Variants in SLC28A2 observed in about 807,000 individuals in gnomAD.
SLC28A2 encodes the protein solute carrier family 28 member 2, also known as sodium/nucleoside cotransporter 2.
Under a neutral mutation model 72.9 loss-of-function variants are expected in SLC28A2, and 69 were observed. The ratio of observed to expected loss-of-function variants is 0.95; its 90% CI spans 0.78 to 1.16. The LOEUF (loss-of-function observed/expected upper bound fraction) is 1.16. Ranked by LOEUF, SLC28A2 falls within the 50% of genes most tolerant of loss-of-function variation. The pLI, the probability that SLC28A2 is intolerant of heterozygous loss-of-function variation, is 0.00. For synonymous variants in SLC28A2, 296 were observed against 294.1 expected, an observed-to-expected ratio of 1.01 and a Z score of -0.07; for missense variants, 745 against 791.1, an observed-to-expected ratio of 0.94 and a Z score of 0.70.
At position 45,269,327 on chromosome 15, in the gene SLC28A2, C is replaced by G; in HGVS notation, c.1369-11C>G. Reference sequence around the variant, plus strand: ...TCCTTCCTTTTCCTGTGATATCTCTCTTTCACTCAGGTCATCTGCTCCTAT... The same window carrying G: ...TCCTTCCTTTTCCTGTGATATCTCTGTTTCACTCAGGTCATCTGCTCCTAT... On this transcript the variant is annotated splice_polypyrimidine_tract_variant and intron_variant, in intron 13 of 17. Coordinates refer to ENST00000347644, the MANE Select transcript of SLC28A2 (RefSeq NM_004212.4). 1 of 1,611,754 alleles carries G rather than the reference C, an allele frequency of 6.2e-7. No individual in the cohort carries two copies. The highest frequency in any genetic ancestry group is 8.5e-7 in the Non-Finnish European group (1 of 1,177,986).
In SLC28A2 at chr15:45,275,428, T is replaced by C. The variant is rs1381157370; in HGVS notation, c.1892T>C (p.Phe631Ser). 1 of 1,613,764 alleles carries C rather than the reference T, an allele frequency of 6.2e-7. No homozygotes were observed. Among genetic ancestry groups the C allele is most frequent in the Admixed American group, 1.7e-5 (1 of 60,016 alleles). ...TSLNGTNPPS[F>S]SGPWEDKEFS... Reference sequence around the variant, plus strand: ...CTGAATGGCACCAACCCTCCTTCTTTTTCTGGTCCCTGGGAAGATAAGGAG... The same window carrying C: ...CTGAATGGCACCAACCCTCCTTCTTCTTCTGGTCCCTGGGAAGATAAGGAG... The change falls in exon 18 of 18, where the codon TTT (phenylalanine) becomes TCT (serine). Residue 631 changes from phenylalanine to serine, a missense_variant. Physicochemically the swap from Phe to Ser is radical, Grantham distance 155. Coordinates refer to ENST00000347644, the MANE Select transcript of SLC28A2 (RefSeq NM_004212.4).
rs141242204 is a variant in SLC28A2 at position 45,275,502 on chromosome 15, G to A, written c.1966G>A (p.Val656Ile). The change falls in exon 18 of 18, where the codon GTC becomes ATC. Residue 656 changes from valine to isoleucine, a missense_variant. Coordinates refer to ENST00000347644, the MANE Select transcript of SLC28A2 (RefSeq NM_004212.4). ...TNCCGFYNNT[V>I]CA ...CTGCTGTGGATTCTACAACAATACC[G>A]TCTGTGCCTAAGGCTGCTTGATCTA... 2.0e-5 allele frequency: 31 copies of A among 1,586,786 alleles called. No homozygotes were observed. In the African/African-American group the frequency reaches 2.3e-4, roughly 12 times the overall value.
intron 13 of SLC28A2, among the ~76,000 whole-genome samples, chr15:45,268,784 T>C (rs1314642428): frequency 6.6e-6 from 1 of 152,040 alleles, no homozygotes; most frequent in African/African-American, 2.4e-5. Context: ...CCAACAATGA[T>C]AGACTGGATT....
At chr15:45,270,791 T>G (rs1048402045) in intron 15 of SLC28A2, among the ~76,000 whole-genome samples, 1 of 151,366 alleles carries the variant, frequency 6.6e-6, no homozygotes, top group African/African-American at 2.4e-5. Context: ...TGCCCATTAT[T>G]ATTATTATTA....
intron 7 of SLC28A2, 126 bp downstream of exon 7, chr15:45,264,894 A>C: frequency 1.3e-6 from 1 of 745,058 alleles, no homozygotes. Context: ...TTGGGAAAGG[A>C]GAGAGTGTAC....
In SLC28A2 at chr15:45,267,449, TTGTA is replaced by T; in HGVS notation, c.943-5_943-2del. On this transcript the variant is annotated splice_acceptor_variant and splice_polypyrimidine_tract_variant and intron_variant, in intron 10 of 17. Coordinates refer to ENST00000347644, the MANE Select transcript of SLC28A2 (RefSeq NM_004212.4). LOFTEE classifies it high-confidence loss of function. Reference sequence around the variant, plus strand: ...TGGAATCTGACTGTTTTCTCCGTGTTTGTAGACAGAGGCACCTCTGCTCATCCGT... The same window carrying T: ...TGGAATCTGACTGTTTTCTCCGTGTTGACAGAGGCACCTCTGCTCATCCGT... 8.1e-6 allele frequency: 13 copies of T among 1,614,078 alleles called. No homozygotes were observed. Among genetic ancestry groups the T allele is most frequent in the Non-Finnish European group, 1.1e-5 (13 of 1,179,970 alleles).
intron 3 of SLC28A2, among the ~76,000 whole-genome samples, chr15:45,259,942 G>T (rs1232348260): frequency 6.6e-6 from 1 of 152,066 alleles, no homozygotes; most frequent in Admixed American, 6.6e-5. Context: ...TACTCAACTG[G>T]CATTTGACTG....
chr15:45,254,109 G>A (rs1157436955), intron 3 of SLC28A2, among the ~76,000 whole-genome samples: 2 of 152,196 alleles, frequency 1.3e-5, no homozygotes, highest in Non-Finnish European at 2.9e-5. Flanking sequence ...TGTGGATCTG[G>A]TCCCAGAAGT....
intron 3 of SLC28A2, among the ~76,000 whole-genome samples, chr15:45,259,195 A>G (rs879584990): frequency 2.6e-5 from 4 of 152,164 alleles, no homozygotes; most frequent in Admixed American, 2.0e-4. Context: ...AAACAAGAGT[A>G]CATTTTAAGC....
In SLC28A2 at chr15:45,276,977, G is replaced by C. The variant is rs900205215; in HGVS notation, c.*1464G>C. The C allele has an allele frequency of 3.4e-5, 3 of 87,994 alleles. No individual in the cohort carries two copies. The highest frequency in any genetic ancestry group is 1.5e-4 in the African/African-American group (3 of 20,186). 5.5% of individuals were successfully genotyped at this position (87,994 alleles called of 1,614,324 possible). A position where few individuals can be genotyped will look rare whatever the true frequency, so the allele number is the denominator to read the frequency against. ...GAAGCCTTTAAAACAGTAATTTTCA[G>C]TGGGAAGGGGCCAATTTTGCTTTTC... On this transcript the variant is annotated 3_prime_UTR_variant, in exon 18 of 18. Transcript: ENST00000347644.
rs148247244 is a variant in SLC28A2 at position 45,272,754 on chromosome 15, C to T, written c.1829C>T (p.Thr610Ile). ...AGTTTCACCAATAGAACCTATGAGA[C>T]CTACATGTGCTGCAGAGGGCTCTTT... is the stretch of plus-strand genomic sequence containing the variant. ...NTSFTNRTYE[T>I]YMCCRGLFQS... Residue 610 changes from threonine (T) to isoleucine (I), a missense_variant, in exon 17 of 18, where the codon ACC (threonine) becomes ATC (isoleucine). By Grantham distance (89) the Thr-to-Ile change is moderately conservative (BLOSUM62 -1). Transcript: ENST00000347644. The T allele has an allele frequency of 6.2e-7, 1 of 1,610,084 alleles. No homozygotes were observed. The highest frequency in any genetic ancestry group is 2.2e-5 in the East Asian group (1 of 44,872).
chr15:45,263,265 C>T, intron 5 of SLC28A2, 21 bp downstream of exon 5: 1 of 1,609,234 alleles, frequency 6.2e-7, no homozygotes, highest in Non-Finnish European at 8.5e-7. Context: ...AATCTCAATA[C>T]CTGGCCTCAC....
chr15:45,275,008 G>A (rs1900705829), intron 17 of SLC28A2, among the ~76,000 whole-genome samples: 1 of 152,162 alleles, frequency 6.6e-6, no homozygotes, highest in African/African-American at 2.4e-5. Flanking sequence ...GAAAGACAAC[G>A]TTTTTGTCCA....
rs1900180587 is a variant in SLC28A2, at chr15:45,262,112, A to T, written c.262+6A>T. ...GTTGGGCCTGTTGTGTTTGGGTGAG[A>T]TATTGAGAATTCATGAAAGTGAGAA... On this transcript the variant is annotated splice_donor_region_variant and intron_variant, in intron 4 of 17. Transcript: ENST00000347644. 2 of 1,575,666 alleles carry T rather than the reference A, an allele frequency of 1.3e-6. No individual in the cohort carries two copies. The highest frequency in any genetic ancestry group is 1.7e-6 in the Non-Finnish European group (2 of 1,145,330).
In SLC28A2 at chr15:45,263,960, C is replaced by G. The variant is rs767904914; in HGVS notation, c.526C>G (p.Pro176Ala). The G allele has an allele frequency of 1.2e-6, 2 of 1,613,540 alleles. No individual in the cohort carries two copies. Among genetic ancestry groups the G allele is most frequent in the Non-Finnish European group, 1.7e-6 (2 of 1,179,800 alleles). Residue 176 changes from proline (P) to alanine (A), a missense_variant, in exon 6 of 18, where the codon CCC (proline) becomes GCC (alanine). Coordinates refer to ENST00000347644, the MANE Select transcript of SLC28A2 (RefSeq NM_004212.4). Reference protein sequence around the residue: ...DTAQRPEQLIPFAGICMFILI... With the variant: ...DTAQRPEQLIAFAGICMFILI... ...AGCCCAAAGGCCAGAGCAGCTGATCCCCTTTGCAGGAATCTGCATGTTCAT... is the reference window on the plus strand; with the variant it reads ...AGCCCAAAGGCCAGAGCAGCTGATCGCCTTTGCAGGAATCTGCATGTTCAT...
chr15:45,272,596 T>C, intron 16 of SLC28A2, 77 bp from the exon 17 acceptor site: 2 of 931,100 alleles, frequency 2.1e-6, no homozygotes, highest in African/African-American at 1.6e-5. Context: ...GTGTCCACAA[T>C]TCGTGCCAAA....
Position 45,262,079 on chromosome 15 carries a change from A to G in SLC28A2, c.235A>G (p.Lys79Glu), listed in dbSNP as rs755641654. 2.5e-6 allele frequency: 4 copies of G among 1,613,082 alleles called. No individual in the cohort carries two copies. The South Asian group carries it at 4.4e-5, about 18-fold the overall frequency. Residue 79 changes from lysine (K) to glutamate (E), a missense_variant, in exon 4 of 18, where the codon AAG (lysine) becomes GAG (glutamate). Lys to Glu is a moderately conservative substitution (Grantham distance 56). Transcript: ENST00000347644. Reference protein sequence around the residue: ...FCKTHASLFKKILLGLLCLAY... With the variant: ...FCKTHASLFKEILLGLLCLAY... Reference sequence around the variant, plus strand: ...CAAAACACACGCCAGCTTGTTCAAGAAGATCCTGTTGGGCCTGTTGTGTTT... The same window carrying G: ...CAAAACACACGCCAGCTTGTTCAAGGAGATCCTGTTGGGCCTGTTGTGTTT...
intron 10 of SLC28A2, among the ~76,000 whole-genome samples, chr15:45,266,868 A>G (rs1900353341): frequency 6.6e-6 from 1 of 152,184 alleles, no homozygotes; most frequent in African/African-American, 2.4e-5. Flanking sequence ...ACCTATATCA[A>G]TGTCCTTAGC....
At chr15:45,274,288 C>G (rs540231476) in intron 17 of SLC28A2, among the ~76,000 whole-genome samples, 1 of 152,120 alleles carries the variant, frequency 6.6e-6, no homozygotes, top group African/African-American at 2.4e-5. Flanking sequence ...CACTTAAGCT[C>G]AGGAGTTCAA....
Sources: gnomAD v4.1 joint callset for allele counts (sites outside exome capture counted in the v4.1 genomes callset) on GRCh38, gnomAD v4.1.1 for gene constraint, MANE v1.5 for transcripts, NCBI Gene and HGNC (gene_info 2026-07-23, HGNC 2026-07-21) for gene names.